The following CCDC7 variants were observed in gnomAD, a reference collection of about 807,000 sequenced individuals.
The protein encoded by CCDC7 is coiled-coil domain containing 7, also known as coiled-coil domain-containing protein 7.
A neutral mutation model predicts 196.9 loss-of-function variants in CCDC7; 183 were observed. The ratio of observed to expected loss-of-function variants is 0.93; its 90% CI spans 0.82 to 1.05. The LOEUF is 1.05. Among genes scored for constraint, CCDC7 ranks in the 50% least tolerant of loss-of-function variants. The probability of loss-of-function intolerance (pLI) is 0.00; values close to 1 mark genes in which losing one functional copy is unlikely to be tolerated. For missense variants in CCDC7, 1,540 were observed against 1,482.2 expected (o/e 1.04, Z -0.64); for synonymous variants, 525 against 484.6 (o/e 1.08, Z -1.10).
chr10:32,773,618 T>C (rs2079513554), intron 28 of CCDC7, among the ~76,000 whole-genome samples: 1 of 152,192 alleles, frequency 6.6e-6, no homozygotes, highest in African/African-American at 2.4e-5. Context: ...TTGTAATTCC[T>C]TTAACTTTTA....
intron 24 of CCDC7, among the ~76,000 whole-genome samples, chr10:32,703,061 A>ATG (rs1306608935): frequency 6.6e-6 from 1 of 152,152 alleles, no homozygotes; most frequent in African/African-American, 2.4e-5. Flanking sequence ...TGTCATTATG[A>ATG]TGTTAGCTGG....
intron 33 of CCDC7, among the ~76,000 whole-genome samples, chr10:32,844,376 A>T (rs2093157727): frequency 6.6e-6 from 1 of 151,878 alleles, no homozygotes; most frequent in Non-Finnish European, 1.5e-5. Flanking sequence ...TCCACAAAAT[A>T]TCTAATTATT....
chr10:32,538,751 T>G (rs1410406063), intron 11 of CCDC7, among the ~76,000 whole-genome samples: 1 of 152,210 alleles, frequency 6.6e-6, no homozygotes, highest in Admixed American at 6.5e-5. Context: ...ACTATGGTTT[T>G]GGTTTTTAGT....
At chr10:32,586,894 C>T (rs2059336047) in intron 18 of CCDC7, among the ~76,000 whole-genome samples, 1 of 152,150 alleles carries the variant, frequency 6.6e-6, no homozygotes, top group African/African-American at 2.4e-5. Flanking sequence ...GTGGAGGATA[C>T]AGGAGCAACA....
chr10:32,478,686 AT>A (rs1295355741), intron 8 of CCDC7, among the ~76,000 whole-genome samples: 9 of 152,094 alleles, frequency 5.9e-5, no homozygotes, highest in Non-Finnish European at 2.9e-5. Context: ...CTTTCTATAC[AT>A]TTATGTATGT....
chr10:32,453,476 A>T (rs140743157), intron 2 of CCDC7, 40 bp downstream of exon 3: 1 of 1,303,040 alleles, frequency 7.7e-7, no homozygotes, highest in East Asian at 2.8e-5. Context: ...ATTAACACTG[A>T]AAAGGGTCGA....
At chr10:32,605,159 C>G (rs1457611541) in intron 18 of CCDC7, among the ~76,000 whole-genome samples, 1 of 152,096 alleles carries the variant, frequency 6.6e-6, no homozygotes, top group East Asian at 1.9e-4. Context: ...AAAGCTGTCT[C>G]CCTCTTTGCT....
At chr10:32,584,472 G>A (rs371354813) in intron 18 of CCDC7, among the ~76,000 whole-genome samples, 168 bp downstream of exon 19, 3 of 151,802 alleles carry the variant, frequency 2.0e-5, no homozygotes, top group African/African-American at 7.2e-5. Context: ...AAATTATCTC[G>A]GTGGGCCAGG....
At chr10:32,498,709 C>T (rs2134775899) in intron 9 of CCDC7, among the ~76,000 whole-genome samples, 1 of 152,240 alleles carries the variant, frequency 6.6e-6, no homozygotes, top group Non-Finnish European at 1.5e-5. Context: ...TGAATATCGG[C>T]CCCCAATCTC....
At chr10:32,608,331 A>G (rs968062417) in intron 18 of CCDC7, among the ~76,000 whole-genome samples, 8 of 151,082 alleles carry the variant, frequency 5.3e-5, no homozygotes, top group African/African-American at 1.9e-4. Flanking sequence ...TTCTTCTACA[A>G]ATTTTTGGTT....
chr10:32,564,208 G>A (rs1247718846), intron 13 of CCDC7, among the ~76,000 whole-genome samples: 2 of 152,302 alleles, frequency 1.3e-5, no homozygotes, highest in South Asian at 2.1e-4. Flanking sequence ...TGGTGGGACT[G>A]TAAACTAGTT....
chr10:32,681,338 C>A (rs1168155540), intron 21 of CCDC7, among the ~76,000 whole-genome samples: 3 of 152,090 alleles, frequency 2.0e-5, no homozygotes, highest in Non-Finnish European at 2.9e-5. Flanking sequence ...AGAAAAGTTT[C>A]TTTAAGGATT....
At chr10:32,678,763 G>C (rs546441237) in intron 21 of CCDC7, among the ~76,000 whole-genome samples, 57 of 152,306 alleles carry the variant, frequency 3.7e-4, no homozygotes, top group African/African-American at 1.3e-3. Context: ...TGCTGTGACA[G>C]CTTGGGGAAG....
intron 25 of CCDC7, among the ~76,000 whole-genome samples, chr10:32,719,642 A>G (rs2082112470): frequency 6.6e-6 from 1 of 152,372 alleles, no homozygotes; most frequent in African/African-American, 2.4e-5. Context: ...ACTAATATCC[A>G]GAATCTACAA....
chr10:32,814,556 TA>T, intron 31 of CCDC7, 103 bp downstream of exon 32: 16 of 748,026 alleles, frequency 2.1e-5, no homozygotes, highest in Non-Finnish European at 3.6e-5. Context: ...TATGAATTAT[TA>T]CATAGGCAAA....
chr10:32,854,447 C>G (rs762976940), exon 41 of CCDC7: 2 of 1,607,812 alleles, frequency 1.2e-6, no homozygotes. Flanking sequence ...TGAATTTACT[C>G]TGCCTACTGT....
chr10:32,473,264 A>T (rs1444843469), intron 7 of CCDC7, among the ~76,000 whole-genome samples: 1 of 152,314 alleles, frequency 6.6e-6, no homozygotes, highest in South Asian at 2.1e-4. Context: ...TGCAACTTTA[A>T]AGGGTGAATA....
chr10:32,780,185 C>T (rs142315723), intron 29 of CCDC7, among the ~76,000 whole-genome samples: 16 of 152,120 alleles, frequency 1.1e-4, no homozygotes, highest in Middle Eastern at 6.8e-3. Context: ...TTCAGTGAGC[C>T]GAGATCACGC....
chr10:32,630,438 GC>G (rs2064702496), intron 18 of CCDC7, among the ~76,000 whole-genome samples: 2 of 152,176 alleles, frequency 1.3e-5, no homozygotes, highest in South Asian at 4.1e-4. Context: ...AATATAAGGT[GC>G]TGTTCTCAAT....
Sources: allele counts gnomAD v4.1 joint callset (sites outside exome capture counted in the v4.1 genomes callset), GRCh38; gene constraint gnomAD v4.1.1; transcripts MANE v1.5; gene names NCBI Gene and HGNC (gene_info 2026-07-23, HGNC 2026-07-21).